Variants in ABCA9 observed in about 807,000 individuals in gnomAD.
ABCA9 encodes ATP binding cassette subfamily A member 9.
In ABCA9, 183 loss-of-function variants were observed where a neutral mutation model predicts 205.3. The ratio of observed to expected loss-of-function variants is 0.89; its 90% CI spans 0.79 to 1.01. The LOEUF is 1.01. Among genes scored for constraint, ABCA9 ranks in the 50% least tolerant of loss-of-function variants. The probability of loss-of-function intolerance (pLI) is 0.00; values close to 1 mark genes in which losing one functional copy is unlikely to be tolerated. For synonymous variants in ABCA9, 651 were observed against 683.3 expected (o/e 0.95, Z 0.74); for missense variants, 1,805 against 1,912.4 (o/e 0.94, Z 1.05).
rs780555157 is a variant in ABCA9 at position 69,028,601 on chromosome 17, CAAG to C, written c.1546_1548del (p.Leu516del). On this transcript the variant is annotated inframe_deletion, in exon 12 of 39. Coordinates refer to ENST00000340001, the MANE Select transcript of ABCA9 (RefSeq NM_080283.4). ...GTAGTTTTTCCAGCTCCACTGTGAC[CAAG>C]GAGGGCAGTGATCTGGCCTTCATAT... The C allele has an allele frequency of 6.2e-7, 1 of 1,609,658 alleles. No homozygotes were observed. The highest frequency in any genetic ancestry group is 8.5e-7 in the Non-Finnish European group (1 of 1,177,698).
chr17:69,043,626 A>C lies in ABCA9; in HGVS notation c.663T>G (p.Val221=), dbSNP rs1218799491. ...KILPFVAQGG[V]ATDFFIFFCI... is the part of the protein sequence containing the mutation. Reference sequence around the variant, plus strand: ...AAAAGAAAATGAAAAAATCAGTTGCAACTCCTCCTTGGGCAACAAAAGGTA... The same window carrying C: ...AAAAGAAAATGAAAAAATCAGTTGCCACTCCTCCTTGGGCAACAAAAGGTA... The change falls in exon 6 of 39, where the codon GTT becomes GTG. Residue 221 remains valine, a synonymous_variant. Transcript: ENST00000340001. 6.2e-7 allele frequency: 1 copy of C among 1,613,728 alleles called. No homozygotes were observed. Among genetic ancestry groups the C allele is most frequent in the East Asian group, 2.2e-5 (1 of 44,872 alleles).
At chr17:68,988,073 A>G (rs1374431332) in intron 31 of ABCA9, among the ~76,000 whole-genome samples, 1 of 152,110 alleles carries the variant, frequency 6.6e-6, no homozygotes, top group Non-Finnish European at 1.5e-5. Context: ...CCTCATTTGC[A>G]TTTTTAAGGA....
chr17:69,035,949 G>T, intron 6 of ABCA9, 148 bp from the exon 7 acceptor site: 2 of 973,518 alleles, frequency 2.1e-6, no homozygotes, highest in Non-Finnish European at 2.9e-6. Flanking sequence ...CTACCCTCAG[G>T]ATCACATAAT....
rs540842701 is a variant in ABCA9 at position 69,021,223 on chromosome 17, GCA to G, written c.2401+517_2401+518del. Among the ~76,000 whole-genome samples, 4 of 151,886 alleles carry G rather than the reference GCA, an allele frequency of 2.6e-5. No homozygotes were observed. The South Asian group carries it at 8.3e-4, about 31-fold the overall frequency. ...AATCCAAAAAGACCCCCAGAAAATT[GCA>G]AAAATGAAAATAAAGAGCACAGTAA... is the stretch of plus-strand genomic sequence containing the variant. On this transcript the variant is annotated intron_variant, in intron 18 of 38. Coordinates refer to ENST00000340001, the MANE Select transcript of ABCA9 (RefSeq NM_080283.4).
At chr17:69,005,480 GATGTTAACTCAGTCACTC>G (rs2070093170) in intron 25 of ABCA9, among the ~76,000 whole-genome samples, 1 of 152,124 alleles carries the variant, frequency 6.6e-6, no homozygotes, top group African/African-American at 2.4e-5. Flanking sequence ...CCTGTGCTAG[GATGTTAACTCAGTCACTC>G]ATGTATACCT....
chr17:69,035,208 C>CTG, intron 8 of ABCA9, 38 bp downstream of exon 8: 2 of 1,440,916 alleles, frequency 1.4e-6, no homozygotes, highest in South Asian at 1.6e-5. Flanking sequence ...CTGTGTAGAA[C>CTG]GGTTTGTAAA....
chr17:68,977,003 TA>T (rs1196363217), intron 37 of ABCA9, among the ~76,000 whole-genome samples: 1 of 151,518 alleles, frequency 6.6e-6, no homozygotes, highest in African/African-American at 2.4e-5. Flanking sequence ...TCCTTGGACA[TA>T]GGACTAGTCC....
In ABCA9 at chr17:68,989,087, T is replaced by C; in HGVS notation, c.3987A>G (p.Gly1329=). The change falls in exon 31 of 39, where the codon GGA becomes GGG. Residue 1329 remains glycine, a synonymous_variant. Transcript: ENST00000340001. Reference sequence around the variant, plus strand: ...TCTTAATAGTTGTACTTTTACCAGCTCCATTGTGTCCTAACAGTCCTATAA... The same window carrying C: ...TCTTAATAGTTGTACTTTTACCAGCCCCATTGTGTCCTAACAGTCCTATAA... The part of the protein sequence containing the change: ...GEVIGLLGHN[G]AGKSTTIKMI... 1 of 1,613,278 alleles carries C rather than the reference T, an allele frequency of 6.2e-7. No individual in the cohort carries two copies. Among genetic ancestry groups the C allele is most frequent in the Non-Finnish European group, 8.5e-7 (1 of 1,179,294 alleles).
intron 37 of ABCA9, among the ~76,000 whole-genome samples, chr17:68,978,782 T>C (rs1032998857): frequency 8.5e-5 from 13 of 152,286 alleles, no homozygotes; most frequent in Admixed American, 7.2e-4. Context: ...TGATGGGACA[T>C]ATCTCAAAAT....
chr17:68,991,782 A>G (rs1177891084), intron 28 of ABCA9, among the ~76,000 whole-genome samples: 1 of 152,168 alleles, frequency 6.6e-6, no homozygotes, highest in Non-Finnish European at 1.5e-5. Flanking sequence ...ATCCCCCAAC[A>G]TAAGCCTACA....
the ABCA9 span, among the ~76,000 whole-genome samples, chr17:69,066,971 A>G: frequency 6.6e-6 from 1 of 152,192 alleles, no homozygotes; most frequent in African/African-American, 2.4e-5. Flanking sequence ...AAAATCATTG[A>G]TGGATCAGGA....
intron 5 of ABCA9, 55 bp from the exon 6 acceptor site, chr17:69,043,770 G>C (rs139596774): frequency 4.3e-6 from 6 of 1,392,580 alleles, no homozygotes; most frequent in Non-Finnish European, 5.9e-6. Flanking sequence ...TCCAACCTTA[G>C]GCTTTTTCTC....
the ABCA9 span, among the ~76,000 whole-genome samples, chr17:69,068,410 A>G: frequency 2.0e-5 from 3 of 152,212 alleles, no homozygotes; most frequent in Non-Finnish European, 2.9e-5. Flanking sequence ...CTATTGTTGA[A>G]CTATGCTAAT....
intron 17 of ABCA9, 135 bp downstream of exon 17, chr17:69,024,079 G>A (rs1391929077): frequency 8.5e-6 from 8 of 944,290 alleles, no homozygotes; most frequent in Non-Finnish European, 1.3e-5. Context: ...TGACCTTGGA[G>A]TTGGGAATAT....
chr17:69,044,436 A>T, intron 5 of ABCA9, 61 bp downstream of exon 5: 1 of 1,410,936 alleles, frequency 7.1e-7, no homozygotes. Context: ...ATAATCCATT[A>T]AATCACCATC....
rs1166364121 is a variant in ABCA9 at position 69,008,207 on chromosome 17, G to C, written c.3176C>G (p.Ser1059Ter). The change falls in exon 24 of 39, where the codon TCA becomes TGA. Residue 1059 changes from serine to a stop codon, truncating the protein, a stop_gained. Transcript: ENST00000340001. LOFTEE classifies it high-confidence loss of function. ...CCAGTATGCAGAAGGGTAGAGGCCT[G>C]AAATCCGTAGCTGGGAATGAGCTTT... The part of the protein sequence containing the change: ...KKKAHSQLRI[S>*]GLYPSAYWFG... 6.2e-7 allele frequency: 1 copy of C among 1,613,438 alleles called. No homozygotes were observed. The highest frequency in any genetic ancestry group is 8.5e-7 in the Non-Finnish European group (1 of 1,179,864).
At chr17:69,046,921 ATATATATAGAAAATTT>A (rs2071735934) in intron 3 of ABCA9, among the ~76,000 whole-genome samples, 1 of 121,830 alleles carries the variant, frequency 8.2e-6, no homozygotes, top group African/African-American at 2.7e-5. Context: ...ATAAAATTTT[ATATATATAGAAAATTT>A]TATATATATA....
chr17:69,002,369 G>A (rs1212208396), intron 25 of ABCA9, among the ~76,000 whole-genome samples: 31 of 119,930 alleles, frequency 2.6e-4, no homozygotes, highest in South Asian at 6.8e-4. Flanking sequence ...CCTTCATTTC[G>A]TTATGTACCC....
intron 21 of ABCA9, among the ~76,000 whole-genome samples, 194 bp from the exon 22 acceptor site, chr17:69,016,584 T>C (rs940513464): frequency 2.0e-5 from 3 of 152,134 alleles, no homozygotes; most frequent in African/African-American, 7.2e-5. Context: ...TTTTGGTTTC[T>C]ACCCACCATA....
Sources: gnomAD v4.1 joint callset for allele counts (sites outside exome capture counted in the v4.1 genomes callset) on GRCh38, gnomAD v4.1.1 for gene constraint, MANE v1.5 for transcripts, NCBI Gene and HGNC (gene_info 2026-07-23, HGNC 2026-07-21) for gene names.